The following POTEG variants were observed in gnomAD, a reference collection of about 807,000 sequenced individuals.
The protein encoded by POTEG is ANKRD26-like family C member 2.
In POTEG, 2 loss-of-function variants were observed where a neutral mutation model predicts 49.6. That is an observed-to-expected ratio of 0.04 (90% CI 0.02 to 0.13). The LOEUF (loss-of-function observed/expected upper bound fraction) is 0.13. POTEG is among the 10% of genes least tolerant of loss of function. The pLI, the probability that POTEG is intolerant of heterozygous loss-of-function variation, is 1.00. For missense variants in POTEG, 26 were observed against 545.2 expected, an observed-to-expected ratio of 0.05 and a Z score of 9.48; for synonymous variants, 7 against 186.6, an observed-to-expected ratio of 0.04 and a Z score of 7.84.
intron 1 of POTEG, among the ~76,000 whole-genome samples, chr14:19,432,478 A>G (rs1479004502): frequency 1.9e-5 from 2 of 104,492 alleles, no homozygotes; most frequent in Admixed American, 1.0e-4. Context: ...ATATATATAC[A>G]TGTGTATATA....
At chr14:19,415,751 T>C (rs1306441576) in intron 7 of POTEG, among the ~76,000 whole-genome samples, 2 of 152,048 alleles carry the variant, frequency 1.3e-5, no homozygotes, top group Non-Finnish European at 1.5e-5. Flanking sequence ...AAATATCAAA[T>C]ATTAAATTAG....
intron 7 of POTEG, among the ~76,000 whole-genome samples, chr14:19,415,095 TAGG>T (rs1883499810): frequency 6.9e-6 from 1 of 145,256 alleles, no homozygotes; most frequent in Non-Finnish European, 1.6e-5. Context: ...TTTAAATTAT[TAGG>T]AGCCGAAATC....
At chr14:19,415,538 C>T (rs1375516093) in intron 7 of POTEG, among the ~76,000 whole-genome samples, 1 of 149,036 alleles carries the variant, frequency 6.7e-6, no homozygotes, top group Non-Finnish European at 1.5e-5. Flanking sequence ...GTTCATAATT[C>T]TATTGCTTAA....
intron 3 of POTEG, chr14:19,426,799 C>G: frequency 2.3e-6 from 1 of 428,994 alleles, no homozygotes; most frequent in East Asian, 7.1e-5. Flanking sequence ...TCAAGACCAG[C>G]CTGAGAAACA....
At chr14:19,415,105 A>G (rs1883500446) in intron 7 of POTEG, among the ~76,000 whole-genome samples, 1 of 145,218 alleles carries the variant, frequency 6.9e-6, no homozygotes, top group Non-Finnish European at 1.6e-5. Flanking sequence ...TAGGAGCCGA[A>G]ATCAACACCA....
In POTEG at chr14:19,432,101, C is replaced by A. The variant is rs1401683867; in HGVS notation, c.521+1668G>T. Among the ~76,000 whole-genome samples the A allele has an allele frequency of 1.1e-3, 45 of 42,044 alleles. No homozygotes were observed. In the East Asian group the frequency reaches 0.018, roughly 17 times the overall value. 27.6% of individuals were successfully genotyped at this position (42,044 alleles called of 152,430 possible). ...TGGTGGCTCACGCCTGTAACCACAGCACTTTGGGAGGCCAAGGTGGGTGGA... is the reference window on the plus strand; with the variant it reads ...TGGTGGCTCACGCCTGTAACCACAGAACTTTGGGAGGCCAAGGTGGGTGGA... On this transcript the variant is annotated intron_variant, in intron 1 of 10. Transcript: ENST00000547848.
chr14:19,433,071 C>T (rs1372282917), intron 1 of POTEG, among the ~76,000 whole-genome samples: 1 of 129,158 alleles, frequency 7.7e-6, no homozygotes, highest in East Asian at 2.3e-4. Flanking sequence ...ACTACAGGTG[C>T]CTGCCACCGC....
intron 3 of POTEG, among the ~76,000 whole-genome samples, chr14:19,426,316 A>C (rs1481792765): frequency 1.4e-5 from 2 of 139,038 alleles, no homozygotes; most frequent in Admixed American, 1.5e-4. Flanking sequence ...CAGAATTTCT[A>C]TCTGTATTCT....
At chr14:19,431,606 TG>T (rs1257166121) in intron 1 of POTEG, among the ~76,000 whole-genome samples, 5,361 of 77,938 alleles carry the variant, frequency 0.069, no homozygotes, top group South Asian at 0.14. Flanking sequence ...TCCTTTTGTT[TG>T]TTTGTTTTTT....
rs576684941 is a variant in POTEG, at chr14:19,416,034, C to T, written c.1197+254G>A. Reference sequence around the variant, plus strand: ...TAAGATTTTGTATTTTTAGTAGAGACGGGGTTTCATCATCTTAGCCAGGAT... The same window carrying T: ...TAAGATTTTGTATTTTTAGTAGAGATGGGGTTTCATCATCTTAGCCAGGAT... On this transcript the variant is annotated intron_variant, in intron 7 of 10. Coordinates refer to ENST00000547848, the MANE Select transcript of POTEG (RefSeq NM_001005356.3). 1.2e-4 allele frequency among the ~76,000 whole-genome samples: 17 copies of T among 146,574 alleles called. No homozygotes were observed. In the East Asian group the frequency reaches 1.4e-3, roughly 12 times the overall value.
chr14:19,421,355 GC>G, intron 6 of POTEG: 1 of 455,082 alleles, frequency 2.2e-6, no homozygotes, highest in South Asian at 3.3e-5. Flanking sequence ...GTCTCACTTT[GC>G]CCCCAGATAA....
chr14:19,415,013 C>G (rs1883495591), intron 7 of POTEG, among the ~76,000 whole-genome samples: 1 of 144,354 alleles, frequency 6.9e-6, no homozygotes, highest in African/African-American at 2.5e-5. Context: ...CCTCATGAAA[C>G]CCTAACTAGT....
At chr14:19,419,034 A>G (rs1883659499) in intron 6 of POTEG, among the ~76,000 whole-genome samples, 1 of 115,264 alleles carries the variant, frequency 8.7e-6, no homozygotes, top group Non-Finnish European at 1.7e-5. Context: ...AAAGGCCAAC[A>G]TATTAAAACG....
intron 1 of POTEG, among the ~76,000 whole-genome samples, chr14:19,432,403 T>TATATATATATATATACAC (rs1330765784): frequency 4.5e-5 from 2 of 44,728 alleles, no homozygotes; most frequent in Non-Finnish European, 8.7e-5. Context: ...TATATATATA[T>TATATATATATATATACAC]ACACACACAT....
chr14:19,425,321 C>T (rs550932549), intron 4 of POTEG, among the ~76,000 whole-genome samples: 1 of 46,492 alleles, frequency 2.2e-5, no homozygotes, highest in African/African-American at 6.1e-5. Flanking sequence ...ATAAAGTAAA[C>T]TAAAATTAAA....
chr14:19,421,334 GATCT>G (rs1883755654), intron 6 of POTEG: 1 of 405,422 alleles, frequency 2.5e-6, no homozygotes, highest in East Asian at 4.2e-5. Flanking sequence ...AATGCCAGAT[GATCT>G]ATCATTGTCT....
intron 6 of POTEG, among the ~76,000 whole-genome samples, chr14:19,419,859 C>A (rs1883683133): frequency 7.5e-6 from 1 of 133,234 alleles, no homozygotes; most frequent in Non-Finnish European, 1.6e-5. Context: ...AGCCACCGCT[C>A]ATCTAGTATT....
intron 9 of POTEG, among the ~76,000 whole-genome samples, chr14:19,406,754 T>C (rs1883306705): frequency 1.3e-5 from 2 of 151,942 alleles, no homozygotes; most frequent in African/African-American, 4.8e-5. Flanking sequence ...CACAAATATT[T>C]CCATTAGAAT....
At chr14:19,432,403 T>TATATATATATATATACACAC in intron 1 of POTEG, among the ~76,000 whole-genome samples, 1 of 44,730 alleles carries the variant, frequency 2.2e-5, no homozygotes, top group South Asian at 9.9e-4. Context: ...TATATATATA[T>TATATATATATATATACACAC]ACACACACAT....
Sources: gnomAD v4.1 joint callset for allele counts (sites outside exome capture counted in the v4.1 genomes callset) on GRCh38, gnomAD v4.1.1 for gene constraint, MANE v1.5 for transcripts, NCBI Gene and HGNC (gene_info 2026-07-23, HGNC 2026-07-21) for gene names.